Variants in TNPO1 observed in about 807,000 individuals in gnomAD.
TNPO1 encodes transportin-1.
A neutral mutation model predicts 119.5 loss-of-function variants in TNPO1; 8 were observed. That is an observed-to-expected ratio of 0.07 (90% CI 0.04 to 0.12). The LOEUF (loss-of-function observed/expected upper bound fraction) is 0.12. TNPO1 is among the 10% of genes least tolerant of loss of function. The probability of loss-of-function intolerance (pLI) is 1.00; values close to 1 mark genes in which losing one functional copy is unlikely to be tolerated. For synonymous variants in TNPO1, 362 were observed against 363.0 expected (o/e 1.00, Z 0.03); for missense variants, 576 against 1,089.8 (o/e 0.53, Z 6.64).
At chr5:72,828,057 T>C (rs1744284514) in intron 1 of TNPO1, among the ~76,000 whole-genome samples, 1 of 152,144 alleles carries the variant, frequency 6.6e-6, no homozygotes, top group African/African-American at 2.4e-5. Context: ...CTGATGAGAT[T>C]ATATAGATAG....
intron 9 of TNPO1, 98 bp from the exon 10 acceptor site, chr5:72,882,369 T>G (rs981892763): frequency 6.2e-6 from 5 of 811,842 alleles, no homozygotes; most frequent in Non-Finnish European, 9.8e-6. Context: ...TTACCATTGA[T>G]TATCTCATTG....
At chr5:72,817,249 C>G (rs1743736216) in intron 1 of TNPO1, among the ~76,000 whole-genome samples, 2 of 152,232 alleles carry the variant, frequency 1.3e-5, no homozygotes, top group Non-Finnish European at 2.9e-5. Context: ...ATCGTCCTTA[C>G]ATGCAGCTTG....
intron 1 of TNPO1, among the ~76,000 whole-genome samples, chr5:72,823,310 A>G (rs1267322150): frequency 6.6e-6 from 1 of 152,076 alleles, no homozygotes; most frequent in Non-Finnish European, 1.5e-5. Flanking sequence ...CAGTCTTTAT[A>G]TTGAAATTGA....
chr5:72,898,225 T>C (rs1169163444), intron 20 of TNPO1, among the ~76,000 whole-genome samples: 1 of 152,160 alleles, frequency 6.6e-6, no homozygotes. Context: ...TATAAAATTA[T>C]TGTGGAACCT....
chr5:72,833,793 G>T (rs1037024998), intron 1 of TNPO1, among the ~76,000 whole-genome samples: 1 of 151,992 alleles, frequency 6.6e-6, no homozygotes, highest in South Asian at 2.1e-4. Flanking sequence ...ATTAATCCTG[G>T]TTGAGCCTCA....
intron 1 of TNPO1, among the ~76,000 whole-genome samples, chr5:72,844,158 C>T (rs976535802): frequency 6.6e-6 from 1 of 152,038 alleles, no homozygotes; most frequent in African/African-American, 2.4e-5. Context: ...CCAGGACAGA[C>T]CTAGAAATAA....
chr5:72,863,129 G>C (rs1178153347), intron 5 of TNPO1, among the ~76,000 whole-genome samples: 1 of 151,956 alleles, frequency 6.6e-6, no homozygotes, highest in Non-Finnish European at 1.5e-5. Context: ...AGTGGATACA[G>C]TAAGTATCTC....
At chr5:72,907,325 A>G (rs1174371411) in intron 24 of TNPO1, among the ~76,000 whole-genome samples, 1 of 152,192 alleles carries the variant, frequency 6.6e-6, no homozygotes, top group Non-Finnish European at 1.5e-5. Context: ...ATCACCAATC[A>G]TGAATTAACT....
chr5:72,842,841 T>C (rs923640533), intron 1 of TNPO1, among the ~76,000 whole-genome samples: 4 of 152,258 alleles, frequency 2.6e-5, no homozygotes, highest in Admixed American at 6.5e-5. Flanking sequence ...TTAAACCCCT[T>C]TCACAAGCTT....
At chr5:72,846,031 T>G (rs1745110048) in intron 1 of TNPO1, among the ~76,000 whole-genome samples, 2 of 152,182 alleles carry the variant, frequency 1.3e-5, no homozygotes, top group African/African-American at 4.8e-5. Flanking sequence ...TTTAGCTTCA[T>G]GAAAATTAAA....
At chr5:72,877,094 CAAAAAAAAA>C (rs35883847) in intron 8 of TNPO1, 125 bp from the exon 9 acceptor site, 12 of 235,298 alleles carry the variant, frequency 5.1e-5, no homozygotes, top group Admixed American at 7.7e-5. Context: ...GACTGCATCT[CAAAAAAAAA>C]AAAAAAAAAA....
At chr5:72,845,074 C>CTTT (rs111512326) in intron 1 of TNPO1, among the ~76,000 whole-genome samples, 48,364 of 142,326 alleles carry the variant, frequency 0.34, 10,253 homozygotes, top group Non-Finnish European at 0.47. Flanking sequence ...GTTGAAATGC[C>CTTT]TTTTTTTTTT....
At chr5:72,904,860 C>T (rs777863542) in intron 23 of TNPO1, among the ~76,000 whole-genome samples, 7 of 152,076 alleles carry the variant, frequency 4.6e-5, no homozygotes, top group Non-Finnish European at 1.0e-4. Flanking sequence ...AGGTTTAATT[C>T]GACTCACAGT....
At chr5:72,877,156 G>T in intron 8 of TNPO1, 72 bp from the exon 9 acceptor site, 5 of 713,416 alleles carry the variant, frequency 7.0e-6, no homozygotes, top group South Asian at 2.6e-5. Context: ...AAGCTTGCTT[G>T]ATAATAGGAC....
rs1220831385 is a variant in TNPO1, at chr5:72,908,902, G to A, written c.*229G>A. The stretch of plus-strand genomic sequence containing the variant: ...TTTAACATCTGGAGCCTTTGTGGGT[G>A]GAAATATGTCTCCAGTTACAACTCC... On this transcript the variant is annotated 3_prime_UTR_variant, in exon 25 of 25. Coordinates refer to ENST00000337273, the MANE Select transcript of TNPO1 (RefSeq NM_002270.4). The A allele has an allele frequency of 2.9e-5, 13 of 453,262 alleles. No homozygotes were observed. The East Asian group carries it at 9.1e-4, about 32-fold the overall frequency. 28.1% of individuals were successfully genotyped at this position (453,262 alleles called of 1,614,324 possible).
chr5:72,905,476 G>T (rs1750078491), intron 24 of TNPO1, 31 bp downstream of exon 24: 4 of 1,180,146 alleles, frequency 3.4e-6, no homozygotes, highest in Non-Finnish European at 4.9e-6. Context: ...AAATTTTCAG[G>T]ATGAAGAAAA....
intron 24 of TNPO1, among the ~76,000 whole-genome samples, chr5:72,906,681 T>C (rs1339012606): frequency 6.6e-6 from 1 of 152,218 alleles, no homozygotes; most frequent in African/African-American, 2.4e-5. Context: ...CTTGAGCTCT[T>C]CTGTACTTAA....
At chr5:72,892,331 G>A (rs1253756454) in intron 15 of TNPO1, among the ~76,000 whole-genome samples, 2 of 150,964 alleles carry the variant, frequency 1.3e-5, no homozygotes, top group African/African-American at 2.4e-5. Context: ...TGATGTTCTC[G>A]TAACTGAACA....
intron 1 of TNPO1, among the ~76,000 whole-genome samples, chr5:72,828,233 T>C (rs1004697418): frequency 4.6e-5 from 7 of 152,018 alleles, no homozygotes; most frequent in Admixed American, 2.0e-4. Context: ...GAAGAAGTTG[T>C]TGGGTTTGGC....
Sources: gnomAD v4.1 joint callset for allele counts (sites outside exome capture counted in the v4.1 genomes callset) on GRCh38, gnomAD v4.1.1 for gene constraint, MANE v1.5 for transcripts, NCBI Gene and HGNC (gene_info 2026-07-23, HGNC 2026-07-21) for gene names.